Variants in ERBB4 observed in about 807,000 individuals in gnomAD.
ERBB4 encodes the protein erb-b2 receptor tyrosine kinase 4.
Under a neutral mutation model 158.0 loss-of-function variants are expected in ERBB4, and 42 were observed. The observed-to-expected ratio is 0.27, with a 90% CI of 0.21 to 0.34. ERBB4 has a LOEUF of 0.34. Among genes scored for constraint, ERBB4 ranks in the 10% least tolerant of loss-of-function variants. ERBB4 has a pLI of 1.00. For missense variants in ERBB4, 1,333 were observed against 1,624.1 expected (o/e 0.82, Z 3.08); for synonymous variants, 583 against 558.7 (o/e 1.04, Z -0.61).
Position 212,538,736 on chromosome 2 carries a change from G to A in ERBB4, c.-206C>T, listed in dbSNP as rs1484919973. ...GCCGGGGCCCGAGGAGGGGGCGAGTGTGAGCGCGTGTGTGCGCGTGTGGGA... is the reference window on the plus strand; with the variant it reads ...GCCGGGGCCCGAGGAGGGGGCGAGTATGAGCGCGTGTGTGCGCGTGTGGGA... On this transcript the variant is annotated 5_prime_UTR_variant, in exon 1 of 28. Transcript: ENST00000342788. 4.9e-6 allele frequency: 2 copies of A among 405,900 alleles called. No individual in the cohort carries two copies. The highest frequency in any genetic ancestry group is 7.2e-5 in the South Asian group (1 of 13,826). 25.1% of individuals were successfully genotyped at this position (405,900 alleles called of 1,614,324 possible).
chr2:211,611,764 A>T (rs960206289), intron 19 of ERBB4, among the ~76,000 whole-genome samples: 2 of 152,184 alleles, frequency 1.3e-5, no homozygotes, highest in Non-Finnish European at 2.9e-5. Flanking sequence ...AGAAGCAAAC[A>T]GTATCCCAAA....
intron 2 of ERBB4, among the ~76,000 whole-genome samples, chr2:211,959,838 C>T (rs78970920): frequency 3.8e-4 from 58 of 152,172 alleles, no homozygotes; most frequent in African/African-American, 1.3e-3. Flanking sequence ...GACCTGGCCC[C>T]TTAGTAGTTT....
chr2:212,067,362 T>C (rs1040797114), intron 2 of ERBB4, among the ~76,000 whole-genome samples: 2 of 152,004 alleles, frequency 1.3e-5, no homozygotes, highest in Admixed American at 6.6e-5. Context: ...GAAAAAAATA[T>C]GTTTCAAAAG....
chr2:211,748,161 G>A (rs912200087), intron 5 of ERBB4, among the ~76,000 whole-genome samples: 1 of 151,790 alleles, frequency 6.6e-6, no homozygotes, highest in African/African-American at 2.4e-5. Flanking sequence ...ATGGAGGAAC[G>A]ACTGTAAAAT....
chr2:212,314,223 T>G (rs1388765805), intron 1 of ERBB4, among the ~76,000 whole-genome samples: 1 of 151,188 alleles, frequency 6.6e-6, no homozygotes. Flanking sequence ...TTGAAAATCT[T>G]GTTTTTAAGT....
intron 16 of ERBB4, among the ~76,000 whole-genome samples, chr2:211,632,541 A>G (rs2070182986): frequency 6.6e-6 from 1 of 152,104 alleles, no homozygotes; most frequent in African/African-American, 2.4e-5. Context: ...AATAGGTGGT[A>G]TACATATTTA....
At chr2:211,591,800 G>A (rs2068475328) in intron 19 of ERBB4, among the ~76,000 whole-genome samples, 1 of 152,318 alleles carries the variant, frequency 6.6e-6, no homozygotes. Context: ...AAATCCCAGT[G>A]TGAATCCTGC....
intron 3 of ERBB4, among the ~76,000 whole-genome samples, chr2:211,815,904 C>T (rs1048159970): frequency 2.6e-5 from 4 of 152,176 alleles, no homozygotes; most frequent in Admixed American, 6.5e-5. Context: ...GGCCCTTGGA[C>T]GTCAGACTCC....
intron 3 of ERBB4, among the ~76,000 whole-genome samples, chr2:211,887,425 C>T (rs1220101592): frequency 6.6e-6 from 1 of 152,088 alleles, no homozygotes; most frequent in African/African-American, 2.4e-5. Flanking sequence ...GTGTTCAGTG[C>T]CTAATAATAG....
At chr2:212,118,894 G>T (rs2079654823) in intron 2 of ERBB4, among the ~76,000 whole-genome samples, 1 of 151,494 alleles carries the variant, frequency 6.6e-6, no homozygotes, top group Non-Finnish European at 1.5e-5. Flanking sequence ...TAATCTTTTT[G>T]CTTCAAAAAA....
chr2:211,991,165 G>A (rs2082066582), intron 2 of ERBB4, among the ~76,000 whole-genome samples: 1 of 151,960 alleles, frequency 6.6e-6, no homozygotes, highest in Admixed American at 6.6e-5. Context: ...TCTATTGAAT[G>A]CCTCTGTTGT....
rs559780672 is a variant in ERBB4 at position 211,507,189 on chromosome 2, A to G, written c.2487+54714T>C. 8.5e-5 allele frequency among the ~76,000 whole-genome samples: 13 copies of G among 152,232 alleles called. No homozygotes were observed. The South Asian group carries it at 2.7e-3, about 32-fold the overall frequency. Reference sequence around the variant, plus strand: ...AAAAGAAATCCTAAACGGACAAACAATAAGTGATGAAACTAAATCAGTAAT... The same window carrying G: ...AAAAGAAATCCTAAACGGACAAACAGTAAGTGATGAAACTAAATCAGTAAT... On this transcript the variant is annotated intron_variant, in intron 20 of 27. Transcript: ENST00000342788.
At chr2:211,849,519 T>G (rs2077667697) in intron 3 of ERBB4, among the ~76,000 whole-genome samples, 1 of 152,112 alleles carries the variant, frequency 6.6e-6, no homozygotes, top group East Asian at 1.9e-4. Context: ...ATATCTATCT[T>G]GAGCAAGATT....
At chr2:212,192,013 T>C (rs2082269703) in intron 1 of ERBB4, among the ~76,000 whole-genome samples, 1 of 44,850 alleles carries the variant, frequency 2.2e-5, no homozygotes, top group Non-Finnish European at 5.5e-5. Flanking sequence ...ATATAATATA[T>C]GTTATATGTT....
At chr2:212,399,930 A>G (rs2091153776) in intron 1 of ERBB4, among the ~76,000 whole-genome samples, 1 of 151,988 alleles carries the variant, frequency 6.6e-6, no homozygotes, top group South Asian at 2.1e-4. Flanking sequence ...ATAGTATATG[A>G]ACATCATGAC....
intron 1 of ERBB4, among the ~76,000 whole-genome samples, chr2:212,388,943 C>T (rs948284180): frequency 3.3e-5 from 5 of 152,126 alleles, no homozygotes; most frequent in Admixed American, 1.3e-4. Context: ...CTGAACAAGG[C>T]ATCTCTAAAT....
At chr2:212,292,491 A>G (rs145510643) in intron 1 of ERBB4, among the ~76,000 whole-genome samples, 1 of 152,144 alleles carries the variant, frequency 6.6e-6, no homozygotes, top group Non-Finnish European at 1.5e-5. Flanking sequence ...ATATAATTAT[A>G]GATAAAAAAT....
At chr2:212,344,736 T>C (rs760168748) in intron 1 of ERBB4, among the ~76,000 whole-genome samples, 1 of 152,212 alleles carries the variant, frequency 6.6e-6, no homozygotes, top group Non-Finnish European at 1.5e-5. Flanking sequence ...ATTTAATTTA[T>C]TGTCTCATGA....
intron 1 of ERBB4, among the ~76,000 whole-genome samples, chr2:212,286,817 C>G (rs1451605425): frequency 9.0e-6 from 1 of 110,580 alleles, no homozygotes; most frequent in Non-Finnish European, 1.7e-5. Flanking sequence ...CGCCATGTTG[C>G]CCACGCTGTT....
Sources: gnomAD v4.1 joint callset for allele counts (sites outside exome capture counted in the v4.1 genomes callset) on GRCh38, gnomAD v4.1.1 for gene constraint, MANE v1.5 for transcripts, NCBI Gene and HGNC (gene_info 2026-07-23, HGNC 2026-07-21) for gene names.